The following SEMA3D variants were observed in gnomAD, a reference collection of about 807,000 sequenced individuals.
SEMA3D encodes the protein semaphorin-3D.
A neutral mutation model predicts 100.1 loss-of-function variants in SEMA3D; 84 were observed. The observed-to-expected ratio is 0.84, with a 90% confidence interval of 0.70 to 1.01. SEMA3D has a LOEUF of 1.01. Ranked by LOEUF, SEMA3D falls within the 50% of genes least tolerant of loss-of-function variation. The pLI is 0.00. For missense variants in SEMA3D, 875 were observed against 934.1 expected, an observed-to-expected ratio of 0.94 and a Z score of 0.82; for synonymous variants, 312 against 320.7, an observed-to-expected ratio of 0.97 and a Z score of 0.29.
intron 17 of SEMA3D, among the ~76,000 whole-genome samples, chr7:85,011,331 C>G (rs1204013333): frequency 6.6e-6 from 1 of 151,640 alleles, no homozygotes; most frequent in Non-Finnish European, 1.5e-5. Flanking sequence ...GTGACCTTGA[C>G]AAGAATAGAT....
chr7:85,040,559 A>G lies in SEMA3D; in HGVS notation c.1046+114T>C, dbSNP rs1790829822. 4.8e-6 allele frequency: 3 copies of G among 630,802 alleles called. No homozygotes were observed. The Admixed American group carries it at 1.0e-4, about 21-fold the overall frequency. 39.1% of individuals were successfully genotyped at this position (630,802 alleles called of 1,614,324 possible). On this transcript the variant is annotated intron_variant, in intron 11 of 18. Coordinates refer to ENST00000284136, the MANE Select transcript of SEMA3D (RefSeq NM_001384900.1). ...CACTAAGTGAAAAGGTAAAATGAAA[A>G]AAAAAGTTTACGATATGCTACTACA...
chr7:85,195,457 G>C, the SEMA3D span, among the ~76,000 whole-genome samples: 2 of 151,496 alleles, frequency 1.3e-5, no homozygotes, highest in East Asian at 1.9e-4. Context: ...TTTTGAGACA[G>C]TGTCACCCAG....
At chr7:85,207,939 CAGTT>C in the SEMA3D span, among the ~76,000 whole-genome samples, 1,161 of 152,112 alleles carry the variant, frequency 7.6e-3, 46 homozygotes, top group Admixed American at 0.067. Context: ...TGCACGCTGT[CAGTT>C]AGACGAAAAT....
At chr7:85,194,442 G>A in the SEMA3D span, among the ~76,000 whole-genome samples, 1 of 152,012 alleles carries the variant, frequency 6.6e-6, no homozygotes, top group African/African-American at 2.4e-5. Context: ...TCCATTTTCT[G>A]TATTTATTGA....
In SEMA3D at chr7:85,040,724, G is replaced by A. The variant is rs767627658; in HGVS notation, c.995C>T (p.Pro332Leu). Residue 332 changes from proline (P) to leucine (L), a missense_variant, in exon 11 of 19, where the codon CCC becomes CTC. Pro to Leu is a moderately conservative substitution (Grantham distance 98, BLOSUM62 -3). Transcript: ENST00000284136. ...TACAGGATTTCTTTCATCTCTTGTG[G>A]GGAGTAAATAAATATCTTCTATTAA... Reference protein sequence around the residue: ...FDELQDIYLLPTRDERNPVVY... With the variant: ...FDELQDIYLLLTRDERNPVVY... The A allele has an allele frequency of 3.5e-6, 5 of 1,426,462 alleles. No homozygotes were observed. The highest frequency in any genetic ancestry group is 2.3e-5 in the South Asian group (2 of 85,674). The allele number at this position is 1,426,462 out of a possible 1,614,324, so 88.4% of individuals were successfully genotyped here.
chr7:85,170,808 A>T (rs2116545791), intron 1 of SEMA3D, among the ~76,000 whole-genome samples: 1 of 152,144 alleles, frequency 6.6e-6, no homozygotes, highest in South Asian at 2.1e-4. Context: ...AATAAAATTC[A>T]AATTCCAAGT....
intron 2 of SEMA3D, chr7:85,141,205 AT>A (rs1467782707): frequency 2.7e-5 from 27 of 983,328 alleles, no homozygotes; most frequent in Non-Finnish European, 3.1e-5. Context: ...TAGCACACAT[AT>A]TAACCCCCTC....
At chr7:85,059,278 A>G (rs370304383) in intron 8 of SEMA3D, among the ~76,000 whole-genome samples, 5 of 152,318 alleles carry the variant, frequency 3.3e-5, no homozygotes, top group East Asian at 3.9e-4. Context: ...CATTAACTCA[A>G]GGTCAATAAT....
At chr7:85,207,864 A>G in the SEMA3D span, among the ~76,000 whole-genome samples, 2 of 152,040 alleles carry the variant, frequency 1.3e-5, no homozygotes, top group South Asian at 4.1e-4. Flanking sequence ...ATAGGTCTTT[A>G]TCTTGGTCAT....
intron 2 of SEMA3D, chr7:85,142,327 G>T: frequency 1.0e-6 from 1 of 959,586 alleles, no homozygotes; most frequent in Non-Finnish European, 1.2e-6. Flanking sequence ...GTCAGCCAAA[G>T]TTAATTCCAT....
intron 8 of SEMA3D, among the ~76,000 whole-genome samples, chr7:85,060,239 A>G (rs1278065016): frequency 1.3e-5 from 2 of 152,206 alleles, no homozygotes; most frequent in East Asian, 1.9e-4. Context: ...TATGAGAAAA[A>G]GAGTTAGTGT....
At chr7:85,183,977 C>A (rs953534947) in intron 1 of SEMA3D, among the ~76,000 whole-genome samples, 1 of 151,834 alleles carries the variant, frequency 6.6e-6, no homozygotes. Flanking sequence ...TTGATAAATT[C>A]TTTTTCTTTT....
chr7:85,006,996 G>C lies in SEMA3D; in HGVS notation c.1769-55C>G, dbSNP rs78529006. 1,789 of 1,442,132 alleles carry C rather than the reference G, an allele frequency of 1.2e-3. 23 individuals are homozygous for C. The East Asian group carries it at 0.015, about 12-fold the overall frequency. The allele number at this position is 1,442,132 out of a possible 1,614,324, so 89.3% of individuals were successfully genotyped here. A position where few individuals can be genotyped will look rare whatever the true frequency, so the allele number is the denominator to read the frequency against. Reference sequence around the variant, plus strand: ...ACCTTGACCTGATTTTAAAAGCAATGGGAAAACAGACTGATTCAGAACAGA... The same window carrying C: ...ACCTTGACCTGATTTTAAAAGCAATCGGAAAACAGACTGATTCAGAACAGA... On this transcript the variant is annotated intron_variant, in intron 17 of 18. Coordinates refer to ENST00000284136, the MANE Select transcript of SEMA3D (RefSeq NM_001384900.1).
At chr7:85,204,325 G>A in the SEMA3D span, among the ~76,000 whole-genome samples, 26 of 141,612 alleles carry the variant, frequency 1.8e-4, no homozygotes, top group East Asian at 1.7e-3. Flanking sequence ...CTTTTAAACT[G>A]CAGCTATTGA....
chr7:85,135,149 T>A (rs916584412), intron 2 of SEMA3D, among the ~76,000 whole-genome samples: 1 of 152,058 alleles, frequency 6.6e-6, no homozygotes, highest in African/African-American at 2.4e-5. Flanking sequence ...GATAAGATTT[T>A]CTTTGAAATT....
At chr7:85,038,459 T>C (rs1050176868) in intron 11 of SEMA3D, among the ~76,000 whole-genome samples, 1 of 152,186 alleles carries the variant, frequency 6.6e-6, no homozygotes, top group Non-Finnish European at 1.5e-5. Context: ...TATGTCTTCT[T>C]GTTGGACAAA....
intron 9 of SEMA3D, among the ~76,000 whole-genome samples, chr7:85,050,044 T>C (rs1791117099): frequency 6.8e-6 from 1 of 146,426 alleles, no homozygotes; most frequent in African/African-American, 2.5e-5. Context: ...TTTCCACCCA[T>C]TGACTTAAAA....
chr7:85,239,561 C>A, the SEMA3D span, among the ~76,000 whole-genome samples: 2 of 152,164 alleles, frequency 1.3e-5, no homozygotes, highest in African/African-American at 4.8e-5. Context: ...TGCAGAGACA[C>A]CTGAGAGTCG....
intron 1 of SEMA3D, among the ~76,000 whole-genome samples, chr7:85,176,151 AAGTT>A (rs1456130841): frequency 2.0e-5 from 3 of 152,160 alleles, no homozygotes; most frequent in African/African-American, 7.2e-5. Context: ...TGCATTTAAA[AAGTT>A]TTAGTGAGAA....
Sources: gnomAD v4.1 joint callset for allele counts (sites outside exome capture counted in the v4.1 genomes callset) on GRCh38, gnomAD v4.1.1 for gene constraint, MANE v1.5 for transcripts, NCBI Gene and HGNC (gene_info 2026-07-23, HGNC 2026-07-21) for gene names.